PTP4A3: variants seen among roughly 807,000 people sequenced by gnomAD.
PTP4A3 encodes the protein protein tyrosine phosphatase 4A3.
In PTP4A3, 9 loss-of-function variants were observed where a neutral mutation model predicts 15.2. The observed-to-expected ratio is 0.59, with a 90% confidence interval of 0.36 to 1.03. The LOEUF (loss-of-function observed/expected upper bound fraction) is 1.03, where lower values mean the gene tolerates loss of function less well. PTP4A3 is among the 50% of genes least tolerant of loss of function. The pLI, the probability that PTP4A3 is intolerant of heterozygous loss-of-function variation, is 0.02. For synonymous variants in PTP4A3, 95 were observed against 102.0 expected, an observed-to-expected ratio of 0.93 and a Z score of 0.41; for missense variants, 234 against 252.1, an observed-to-expected ratio of 0.93 and a Z score of 0.49.
rs764715993 is a variant in PTP4A3 at position 141,430,945 on chromosome 8, C to T, written c.423C>T (p.Ile141=). 2 of 1,613,172 alleles carry T rather than the reference C, an allele frequency of 1.2e-6. No homozygotes were observed. The highest frequency in any genetic ancestry group is 2.2e-5 in the East Asian group (1 of 44,894). The change falls in exon 6 of 6, where the codon ATC becomes ATT. Residue 141 remains isoleucine (I), a synonymous_variant. Coordinates refer to ENST00000521578, the MANE Select transcript of PTP4A3 (RefSeq NM_032611.3). ...TTCCCAGGAAGCGCCGCGGAGCCATCAACAGCAAGCAGCTCACCTACCTGG... is the reference window on the plus strand; with the variant it reads ...TTCCCAGGAAGCGCCGCGGAGCCATTAACAGCAAGCAGCTCACCTACCTGG... ...QFIRQKRRGA[I]NSKQLTYLEK...
Position 141,424,907 on chromosome 8 carries a change from G to A in PTP4A3, c.106-141G>A, listed in dbSNP as rs1250851500. The A allele has an allele frequency of 1.2e-4, 84 of 689,680 alleles. No individual in the cohort carries two copies. In the Admixed American group the frequency reaches 2.1e-3, roughly 17 times the overall value. 42.7% of individuals were successfully genotyped at this position (689,680 alleles called of 1,614,324 possible). Reference sequence around the variant, plus strand: ...GACTGAGGGGACAGGGCTCCACCCCGAGAGGTCTGAGGGGACATGTCCAAG... The same window carrying A: ...GACTGAGGGGACAGGGCTCCACCCCAAGAGGTCTGAGGGGACATGTCCAAG... On this transcript the variant is annotated intron_variant, in intron 2 of 5. Coordinates refer to ENST00000521578, the MANE Select transcript of PTP4A3 (RefSeq NM_032611.3).
intron 1 of PTP4A3, among the ~76,000 whole-genome samples, chr8:141,410,255 G>A (rs368824820): frequency 2.0e-5 from 3 of 152,264 alleles, no homozygotes; most frequent in African/African-American, 7.2e-5. Context: ...CAGCCAGACT[G>A]GGGGAGTGGG....
At chr8:141,395,286 G>T (rs1450347028) in intron 1 of PTP4A3, among the ~76,000 whole-genome samples, 3 of 152,222 alleles carry the variant, frequency 2.0e-5, no homozygotes, top group East Asian at 1.9e-4. Flanking sequence ...CTGCGCCAAG[G>T]CTGTTGTACA....
intron 3 of PTP4A3, chr8:141,426,702 TC>T (rs1563739913): frequency 1.0e-6 from 1 of 978,620 alleles, no homozygotes. Context: ...CAGGAAGGCT[TC>T]CTGGAGGAGG....
In PTP4A3 at chr8:141,406,246, G is replaced by A. The variant is rs80176301; in HGVS notation, c.-854+14162G>A. ...ACCATTTCACTTGTCGGCCACCCAC[G>A]GCTGCTTCCTGCCCCATCTGGGGAT... is the stretch of plus-strand genomic sequence containing the variant. On this transcript the variant is annotated intron_variant, in intron 1 of 5. Transcript: ENST00000521578. The surrounding 1 kb of genome is among the most constrained non-coding windows in gnomAD (Gnocchi z 4.5). Among the ~76,000 whole-genome samples the A allele has an allele frequency of 9.6e-3, 1,468 of 152,204 alleles. 19 individuals are homozygous for A. Among genetic ancestry groups the A allele is most frequent in the African/African-American group, 0.033 (1,366 of 41,518 alleles).
At chr8:141,427,138 C>A in intron 4 of PTP4A3, 69 bp downstream of exon 4, 1 of 1,565,118 alleles carries the variant, frequency 6.4e-7, no homozygotes, top group Middle Eastern at 2.2e-4. Flanking sequence ...GACAGCCTCG[C>A]TTTTGGATGT....
intron 1 of PTP4A3, among the ~76,000 whole-genome samples, chr8:141,416,869 G>T (rs1219726432): frequency 6.6e-6 from 1 of 152,026 alleles, no homozygotes; most frequent in African/African-American, 2.4e-5. Context: ...AGGGGGGGTC[G>T]TGCTCTCAGC....
In PTP4A3 at chr8:141,422,167, TG is replaced by T; in HGVS notation, c.-70del. On this transcript the variant is annotated 5_prime_UTR_variant, in exon 2 of 6. Coordinates refer to ENST00000521578, the MANE Select transcript of PTP4A3 (RefSeq NM_032611.3). ...GTTCTCCTCATTTTTTGGGGGTGTG[TG>T]GGGACTTCTCAGGTCGTGTCCCCAG... 7.0e-7 allele frequency: 1 copy of T among 1,438,768 alleles called. No individual in the cohort carries two copies. The highest frequency in any genetic ancestry group is 9.7e-7 in the Non-Finnish European group (1 of 1,027,652). The allele number at this position is 1,438,768 out of a possible 1,614,324, so 89.1% of individuals were successfully genotyped here.
chr8:141,427,773 C>T lies in PTP4A3; in HGVS notation c.353C>T (p.Ala118Val). Residue 118 changes from alanine (A) to valine (V), a missense_variant, in exon 5 of 6, where the codon GCC becomes GTC. Ala to Val is a moderately conservative substitution (Grantham distance 64). Coordinates refer to ENST00000521578, the MANE Select transcript of PTP4A3 (RefSeq NM_032611.3). The stretch of plus-strand genomic sequence containing the variant: ...AGGGCTCCAGTCCTTGTGGCGCTGG[C>T]CCTTATTGAGAGCGGGATGAAGTAC... Reference protein sequence around the residue: ...LGRAPVLVALALIESGMKYED... With the variant: ...LGRAPVLVALVLIESGMKYED... 6.4e-7 allele frequency: 1 copy of T among 1,551,858 alleles called. No individual in the cohort carries two copies.
At chr8:141,397,186 A>G (rs72660243) in intron 1 of PTP4A3, among the ~76,000 whole-genome samples, 12,096 of 152,292 alleles carry the variant, frequency 0.079, 1,641 homozygotes, top group African/African-American at 0.27. Context: ...GGCTCGGGGA[A>G]GGTGGCTGCC....
intron 5 of PTP4A3, among the ~76,000 whole-genome samples, chr8:141,429,316 C>CA (rs1179803368): frequency 2.0e-5 from 3 of 152,386 alleles, no homozygotes; most frequent in African/African-American, 7.2e-5. Context: ...AGCCTGTGGC[C>CA]ACGCCTGAGG....
At chr8:141,426,586 G>A (rs958543319) in intron 3 of PTP4A3, 1 of 985,472 alleles carries the variant, frequency 1.0e-6, no homozygotes. Flanking sequence ...CGGCACACAG[G>A]CGTGAGGGAT....
chr8:141,408,616 T>TG (rs1169142157), intron 1 of PTP4A3, among the ~76,000 whole-genome samples: 2 of 138,914 alleles, frequency 1.4e-5, no homozygotes, highest in African/African-American at 3.0e-5. Flanking sequence ...AGACTCTGTC[T>TG]GAAAAAAAAA....
intron 1 of PTP4A3, among the ~76,000 whole-genome samples, chr8:141,401,488 C>G (rs1413287459): frequency 1.3e-5 from 2 of 152,180 alleles, no homozygotes; most frequent in African/African-American, 4.8e-5. Flanking sequence ...GAGAGGGCAG[C>G]GGGTCCATCT....
chr8:141,427,933 C>T (rs907418886), intron 5 of PTP4A3, 109 bp downstream of exon 5: 31 of 1,074,794 alleles, frequency 2.9e-5, no homozygotes, highest in East Asian at 7.9e-5. Flanking sequence ...TCTGAGGCTG[C>T]GTCGATCAGC....
Position 141,427,088 on chromosome 8 carries a change from T to C in PTP4A3, c.329+19T>C, listed in dbSNP as rs930165033. The C allele has an allele frequency of 6.3e-7, 1 of 1,591,528 alleles. No homozygotes were observed. The highest frequency in any genetic ancestry group is 8.5e-7 in the Non-Finnish European group (1 of 1,175,988). ...TGGGCCGGTGAGTGTCGGGGCGGGG[T>C]AGGGCTCGCCATGTCAGGTGGTTGG... On this transcript the variant is annotated intron_variant, in intron 4 of 5. Coordinates refer to ENST00000521578, the MANE Select transcript of PTP4A3 (RefSeq NM_032611.3).
intron 1 of PTP4A3, among the ~76,000 whole-genome samples, chr8:141,403,567 T>TATC (rs1406268793): frequency 1.3e-5 from 2 of 152,210 alleles, no homozygotes; most frequent in Non-Finnish European, 2.9e-5. Flanking sequence ...TTGATAGAGA[T>TATC]AGATAAGAGT....
In PTP4A3 at chr8:141,427,018, G is replaced by A. The variant is rs1207062945; in HGVS notation, c.278G>A (p.Cys93Tyr). The stretch of plus-strand genomic sequence containing the variant: ...CTGAGCCTGGTGAAGGCCAAGTTCT[G>A]TGAGGCCCCCGGCAGCTGCGTGGCT... ...DWLSLVKAKF[C>Y]EAPGSCVAVH... is the part of the protein sequence containing the mutation. The change falls in exon 4 of 6, where the codon TGT becomes TAT. Residue 93 changes from cysteine to tyrosine, a missense_variant. Cys to Tyr is a radical substitution (Grantham distance 194, BLOSUM62 -2). Transcript: ENST00000521578. 1.9e-6 allele frequency: 3 copies of A among 1,603,868 alleles called. No individual in the cohort carries two copies. Among genetic ancestry groups the A allele is most frequent in the African/African-American group, 1.3e-5 (1 of 74,944 alleles).
At chr8:141,421,116 T>C (rs1210351435) in intron 1 of PTP4A3, among the ~76,000 whole-genome samples, 1 of 152,202 alleles carries the variant, frequency 6.6e-6, no homozygotes, top group East Asian at 1.9e-4. Flanking sequence ...CTGAAATCCC[T>C]GTCCCCTCTG....
Sources: gnomAD v4.1 joint callset for allele counts (sites outside exome capture counted in the v4.1 genomes callset) on GRCh38, gnomAD v4.1.1 for gene constraint, Gnocchi (gnomAD v3.1) non-coding constraint, MANE v1.5 for transcripts, NCBI Gene and HGNC (gene_info 2026-07-23, HGNC 2026-07-21) for gene names.